The following ZNF804B variants were observed in gnomAD, a reference collection of about 807,000 sequenced individuals.
ZNF804B encodes zinc finger protein 804B, also known as zinc finger 804B.
A neutral mutation model predicts 101.4 loss-of-function variants in ZNF804B; 80 were observed. The ratio of observed to expected loss-of-function variants is 0.79; its 90% confidence interval spans 0.66 to 0.95. The LOEUF (loss-of-function observed/expected upper bound fraction) is 0.95. Among genes scored for constraint, ZNF804B ranks in the 40% least tolerant of loss-of-function variants. The pLI is 0.00. For synonymous variants in ZNF804B, 622 were observed against 558.8 expected (o/e 1.11, Z -1.59); for missense variants, 1,673 against 1,561.9 (o/e 1.07, Z -1.20).
chr7:89,192,921 C>A (rs953004252), intron 1 of ZNF804B, among the ~76,000 whole-genome samples: 1 of 151,980 alleles, frequency 6.6e-6, no homozygotes, highest in African/African-American at 2.4e-5. Flanking sequence ...TCAATAGATG[C>A]AGAAATGGCC....
intron 2 of ZNF804B, among the ~76,000 whole-genome samples, chr7:89,277,640 A>T (rs1790009195): frequency 6.6e-6 from 1 of 150,620 alleles, no homozygotes. Context: ...GAGAATGATG[A>T]TTTCCAATTT....
chr7:89,053,872 T>C (rs2027978), intron 1 of ZNF804B, among the ~76,000 whole-genome samples: 71,369 of 151,866 alleles, frequency 0.47, 17,346 homozygotes, highest in Non-Finnish European at 0.53. Flanking sequence ...TCTTACCTAA[T>C]TGGATGTTGA....
chr7:88,879,557 T>C (rs1407815778), intron 1 of ZNF804B, among the ~76,000 whole-genome samples: 1 of 152,184 alleles, frequency 6.6e-6, no homozygotes, highest in Non-Finnish European at 1.5e-5. Context: ...CATACACATA[T>C]ACATCTAAAG....
chr7:88,876,521 C>T (rs1791941042), intron 1 of ZNF804B, among the ~76,000 whole-genome samples: 1 of 152,160 alleles, frequency 6.6e-6, no homozygotes, highest in Non-Finnish European at 1.5e-5. Context: ...AAATCCTCAA[C>T]ACTTCTGGAG....
chr7:89,030,859 C>T (rs1788820658), intron 1 of ZNF804B, among the ~76,000 whole-genome samples: 1 of 152,016 alleles, frequency 6.6e-6, no homozygotes, highest in Admixed American at 6.6e-5. Context: ...ATATTATGCT[C>T]CAGCTATAGT....
At chr7:88,798,070 AG>A (rs1790519155) in intron 1 of ZNF804B, among the ~76,000 whole-genome samples, 1 of 151,920 alleles carries the variant, frequency 6.6e-6, no homozygotes, top group Non-Finnish European at 1.5e-5. Context: ...CTTTTTTAAG[AG>A]TTCTATTTCC....
intron 1 of ZNF804B, among the ~76,000 whole-genome samples, chr7:89,061,137 A>G (rs1207627504): frequency 6.6e-6 from 1 of 152,036 alleles, no homozygotes; most frequent in Admixed American, 6.6e-5. Context: ...GTATACCTGA[A>G]TGTTTATGCT....
chr7:89,068,263 T>C (rs1361132078), intron 1 of ZNF804B, among the ~76,000 whole-genome samples: 2 of 151,726 alleles, frequency 1.3e-5, no homozygotes, highest in Non-Finnish European at 2.9e-5. Flanking sequence ...TATTCCCGTT[T>C]TGTTACTTTC....
chr7:89,006,850 T>C (rs958505079), intron 1 of ZNF804B, among the ~76,000 whole-genome samples: 2 of 152,150 alleles, frequency 1.3e-5, no homozygotes, highest in African/African-American at 4.8e-5. Flanking sequence ...TATTATTTTC[T>C]TAGGGTGCTA....
At chr7:89,188,295 T>C (rs769329480) in intron 1 of ZNF804B, among the ~76,000 whole-genome samples, 91 of 152,264 alleles carry the variant, frequency 6.0e-4, no homozygotes, top group Non-Finnish European at 1.1e-3. Flanking sequence ...CCAAGAACCA[T>C]GTTCATATAG....
At chr7:89,198,449 T>G (rs1029996867) in intron 1 of ZNF804B, among the ~76,000 whole-genome samples, 6 of 151,930 alleles carry the variant, frequency 3.9e-5, no homozygotes, top group Non-Finnish European at 4.4e-5. Flanking sequence ...TTTCTTCTAA[T>G]GAAAGCATTA....
chr7:89,039,143 G>A (rs1788975480), intron 1 of ZNF804B, among the ~76,000 whole-genome samples: 1 of 151,702 alleles, frequency 6.6e-6, no homozygotes, highest in African/African-American at 2.4e-5. Flanking sequence ...GATTTGTTTG[G>A]CTGTTTGCTG....
chr7:88,902,541 A>G (rs973314388), intron 1 of ZNF804B, among the ~76,000 whole-genome samples: 3 of 152,034 alleles, frequency 2.0e-5, no homozygotes, highest in Admixed American at 2.0e-4. Context: ...TCCTGAATAA[A>G]TACATTAAAA....
At chr7:88,810,001 T>G (rs969367679) in intron 1 of ZNF804B, among the ~76,000 whole-genome samples, 1 of 152,220 alleles carries the variant, frequency 6.6e-6, no homozygotes, top group Non-Finnish European at 1.5e-5. Context: ...TATACATTTC[T>G]TATAGAACAT....
intron 1 of ZNF804B, among the ~76,000 whole-genome samples, chr7:89,172,561 T>C (rs1004611489): frequency 4.6e-5 from 7 of 152,180 alleles, no homozygotes; most frequent in Non-Finnish European, 1.0e-4. Context: ...TTCTCCTTCC[T>C]GAATACAGTA....
chr7:89,234,555 T>C (rs565830138), intron 2 of ZNF804B, among the ~76,000 whole-genome samples: 1 of 152,262 alleles, frequency 6.6e-6, no homozygotes, highest in Non-Finnish European at 1.5e-5. Flanking sequence ...TTTTTGGGTA[T>C]GTCAGTGAGG....
Position 89,183,166 on chromosome 7 carries a change from A to G in ZNF804B, c.109-34989A>G, listed in dbSNP as rs893477532. ...GGATAGCATTCCTGGAAGAAGAGTTAGAACAAGGTGCAGTGGAGAAAAAAA... is the reference window on the plus strand; with the variant it reads ...GGATAGCATTCCTGGAAGAAGAGTTGGAACAAGGTGCAGTGGAGAAAAAAA... On this transcript the variant is annotated intron_variant, in intron 1 of 3. Transcript: ENST00000333190. Among the ~76,000 whole-genome samples, 4 of 152,174 alleles carry G rather than the reference A, an allele frequency of 2.6e-5. No individual in the cohort carries two copies. In the East Asian group the frequency reaches 5.8e-4, roughly 22 times the overall value.
At chr7:88,827,645 A>G (rs1280947179) in intron 1 of ZNF804B, among the ~76,000 whole-genome samples, 1 of 152,066 alleles carries the variant, frequency 6.6e-6, no homozygotes, top group Non-Finnish European at 1.5e-5. Flanking sequence ...TCATAACCTC[A>G]AACTGAATTT....
At chr7:89,132,619 AT>A (rs531029619) in intron 1 of ZNF804B, among the ~76,000 whole-genome samples, 247 of 152,066 alleles carry the variant, frequency 1.6e-3, no homozygotes, top group African/African-American at 5.6e-3. Context: ...TATCATATCA[AT>A]TTTTTATGTG....
Sources: allele counts gnomAD v4.1 joint callset (sites outside exome capture counted in the v4.1 genomes callset), GRCh38; gene constraint gnomAD v4.1.1; transcripts MANE v1.5; gene names NCBI Gene and HGNC (gene_info 2026-07-23, HGNC 2026-07-21).